The following TTC17 variants were observed in gnomAD, a reference collection of about 807,000 sequenced individuals.
TTC17 encodes the protein tetratricopeptide repeat protein 17.
A neutral mutation model predicts 143.8 loss-of-function variants in TTC17; 58 were observed. The ratio of observed to expected loss-of-function variants is 0.40; its 90% CI spans 0.33 to 0.50. TTC17 has a LOEUF of 0.50. Ranked by LOEUF, TTC17 falls within the 20% of genes least tolerant of loss-of-function variation. The probability of loss-of-function intolerance (pLI) is 0.49; values close to 1 mark genes in which losing one functional copy is unlikely to be tolerated. For synonymous variants in TTC17, 501 were observed against 497.8 expected, an observed-to-expected ratio of 1.01 and a Z score of -0.09; for missense variants, 1,273 against 1,392.5, an observed-to-expected ratio of 0.91 and a Z score of 1.37.
rs1257589143 is a variant in TTC17 at position 43,373,248 on chromosome 11, A to G, written c.160-5985A>G. ...GAGGGCTGATTTTGCCATGAACAACATAACTGCTCAGAAGTAGCCAGCCAC... is the reference window on the plus strand; with the variant it reads ...GAGGGCTGATTTTGCCATGAACAACGTAACTGCTCAGAAGTAGCCAGCCAC... On this transcript the variant is annotated intron_variant, in intron 1 of 23. Transcript: ENST00000039989. Among the ~76,000 whole-genome samples, 5 of 152,268 alleles carry G rather than the reference A, an allele frequency of 3.3e-5. No individual in the cohort carries two copies. The South Asian group carries it at 8.3e-4, about 25-fold the overall frequency.
intron 1 of TTC17, among the ~76,000 whole-genome samples, chr11:43,366,641 C>T (rs1856355230): frequency 6.6e-6 from 1 of 152,130 alleles, no homozygotes; most frequent in Admixed American, 6.6e-5. Context: ...GGGAAAGCTA[C>T]CTTTAATAGT....
At chr11:43,488,369 T>C (rs1449096846) in intron 21 of TTC17, among the ~76,000 whole-genome samples, 1 of 151,922 alleles carries the variant, frequency 6.6e-6, no homozygotes, top group Non-Finnish European at 1.5e-5. Flanking sequence ...TGGCTGGGAG[T>C]CAGAGATCAT....
intron 2 of TTC17, among the ~76,000 whole-genome samples, chr11:43,384,087 G>C (rs1386350194): frequency 1.3e-5 from 2 of 151,404 alleles, no homozygotes; most frequent in Non-Finnish European, 2.9e-5. Flanking sequence ...TGAGGTTACA[G>C]TGAGCTATGA....
intron 16 of TTC17, among the ~76,000 whole-genome samples, chr11:43,439,026 T>G (rs1189318052): frequency 6.6e-6 from 1 of 152,234 alleles, no homozygotes; most frequent in African/African-American, 2.4e-5. Context: ...CAGTCTTGTT[T>G]CTCATTAATA....
chr11:43,414,745 T>C lies in TTC17; in HGVS notation c.2220T>C (p.Phe740=), dbSNP rs770481991. 1 of 1,613,458 alleles carries C rather than the reference T, an allele frequency of 6.2e-7. No homozygotes were observed. The highest frequency in any genetic ancestry group is 8.5e-7 in the Non-Finnish European group (1 of 1,179,738). ...TCCGCTGTATGCAGTTTTATCCTTT[T>C]CTGTACAACATCACTTCTTCTGTTT... ...KLIRCMQFYP[F]LYNITSSVCS... The change falls in exon 16 of 24, where the codon TTT becomes TTC. Residue 740 remains phenylalanine, a synonymous_variant. Transcript: ENST00000039989.
At chr11:43,398,176 T>C in intron 8 of TTC17, 63 bp downstream of exon 8, 1 of 1,586,398 alleles carries the variant, frequency 6.3e-7, no homozygotes, top group Non-Finnish European at 8.6e-7. Flanking sequence ...TAAATCTGTG[T>C]AGGGGATATC....
At position 43,491,637 on chromosome 11, in the gene TTC17, A is replaced by AT. The variant is rs561406377; in HGVS notation, c.3151-381dup. On this transcript the variant is annotated intron_variant, in intron 22 of 23. Transcript: ENST00000039989. ...TAATGATATAATGGTTCTTGCAGAA[A>AT]TTATTTTGGCTTTCTGACAGCATGA... 172 of 162,124 alleles carry AT rather than the reference A, an allele frequency of 1.1e-3. 4 individuals carry two copies. Among genetic ancestry groups the AT allele is most frequent in the Non-Finnish European group, 9.4e-5 (7 of 74,750 alleles). The allele number at this position is 162,124 out of a possible 1,614,324, so 10.0% of individuals were successfully genotyped here.
chr11:43,380,965 C>T (rs1173569799), intron 2 of TTC17, among the ~76,000 whole-genome samples: 1 of 151,862 alleles, frequency 6.6e-6, no homozygotes, highest in Non-Finnish European at 1.5e-5. Context: ...TGCAATGGTG[C>T]AGAAAAAAAT....
chr11:43,485,911 T>C (rs1037849063), intron 21 of TTC17, among the ~76,000 whole-genome samples: 5 of 146,008 alleles, frequency 3.4e-5, no homozygotes, highest in African/African-American at 1.3e-4. Context: ...TTTGAACATA[T>C]GCATATCCCG....
intron 2 of TTC17, among the ~76,000 whole-genome samples, chr11:43,382,251 A>C (rs907488502): frequency 2.0e-5 from 3 of 152,186 alleles, no homozygotes; most frequent in Non-Finnish European, 4.4e-5. Flanking sequence ...CTAACCACAG[A>C]CCCTCACTTC....
At chr11:43,375,666 T>G (rs1288212726) in intron 1 of TTC17, among the ~76,000 whole-genome samples, 8 of 150,190 alleles carry the variant, frequency 5.3e-5, no homozygotes, top group Admixed American at 4.7e-4. Flanking sequence ...ACAGTGAAAG[T>G]GTTCAGTATA....
intron 21 of TTC17, among the ~76,000 whole-genome samples, chr11:43,471,701 C>T (rs1031186232): frequency 2.0e-5 from 3 of 152,142 alleles, no homozygotes; most frequent in Non-Finnish European, 2.9e-5. Context: ...TTAGCATTAT[C>T]AAGAAAGTAA....
chr11:43,383,233 GGAGA>G (rs144655441), intron 2 of TTC17, among the ~76,000 whole-genome samples: 2 of 151,456 alleles, frequency 1.3e-5, no homozygotes, highest in Admixed American at 1.3e-4. Flanking sequence ...AGGGAGTGGG[GGAGA>G]GAGAGAGAGA....
At chr11:43,383,182 C>T (rs143946352) in intron 2 of TTC17, among the ~76,000 whole-genome samples, 163 of 152,088 alleles carry the variant, frequency 1.1e-3, no homozygotes, top group African/African-American at 3.6e-3. Context: ...TAGGCATGAG[C>T]CACCATGTCT....
chr11:43,466,187 C>T (rs1211523848), intron 21 of TTC17, among the ~76,000 whole-genome samples: 2 of 151,968 alleles, frequency 1.3e-5, no homozygotes, highest in African/African-American at 4.8e-5. Context: ...TGCTCAATAC[C>T]ACAAATCATC....
intron 19 of TTC17, 124 bp from the exon 20 acceptor site, chr11:43,449,958 C>A: frequency 9.5e-7 from 1 of 1,051,172 alleles, no homozygotes; most frequent in Non-Finnish European, 1.4e-6. Context: ...CAGGGGATAG[C>A]ATGTTGAAGC....
chr11:43,450,731 T>C (rs367779229), intron 20 of TTC17, among the ~76,000 whole-genome samples: 66 of 152,316 alleles, frequency 4.3e-4, no homozygotes, highest in African/African-American at 1.5e-3. Context: ...AATATTCTTA[T>C]TGACCTGAAT....
At chr11:43,364,512 G>C (rs577533424) in intron 1 of TTC17, among the ~76,000 whole-genome samples, 2 of 152,268 alleles carry the variant, frequency 1.3e-5, no homozygotes, top group South Asian at 4.1e-4. Context: ...ATAAAGGACT[G>C]TTTCTATGTT....
chr11:43,409,306 C>T (rs1479321728), intron 15 of TTC17, among the ~76,000 whole-genome samples: 3 of 152,086 alleles, frequency 2.0e-5, no homozygotes, highest in Non-Finnish European at 4.4e-5. Context: ...TGGTTTTCTG[C>T]AAAGGCCTTA....
Sources: gnomAD v4.1 joint callset for allele counts (sites outside exome capture counted in the v4.1 genomes callset) on GRCh38, gnomAD v4.1.1 for gene constraint, MANE v1.5 for transcripts, NCBI Gene and HGNC (gene_info 2026-07-23, HGNC 2026-07-21) for gene names.